VWA8: variants seen among roughly 807,000 people sequenced by gnomAD.
VWA8 encodes the protein von Willebrand factor A domain-containing protein 8.
Under a neutral mutation model 241.5 loss-of-function variants are expected in VWA8, and 221 were observed. The observed-to-expected ratio is 0.91, with a 90% CI of 0.82 to 1.02. VWA8 has a LOEUF of 1.02. VWA8 is among the 50% of genes least tolerant of loss of function. The pLI is 0.00. For synonymous variants in VWA8, 852 were observed against 827.1 expected, an observed-to-expected ratio of 1.03 and a Z score of -0.52; for missense variants, 2,322 against 2,328.7, an observed-to-expected ratio of 1.00 and a Z score of 0.06.
At chr13:41,853,885 A>G (rs1872625401) in intron 12 of VWA8, among the ~76,000 whole-genome samples, 1 of 152,194 alleles carries the variant, frequency 6.6e-6, no homozygotes, top group African/African-American at 2.4e-5. Flanking sequence ...TGAAGGAAAC[A>G]GAGTTGAAAA....
chr13:41,858,830 A>G (rs1046943351), intron 12 of VWA8, among the ~76,000 whole-genome samples: 7 of 151,406 alleles, frequency 4.6e-5, no homozygotes, highest in African/African-American at 1.7e-4. Flanking sequence ...TTCTTTGTGG[A>G]AAAAAAAATA....
chr13:41,883,671 T>C (rs2225439), intron 8 of VWA8, among the ~76,000 whole-genome samples, 180 bp from the exon 9 acceptor site: 123,654 of 152,084 alleles, frequency 0.81, 51,123 homozygotes, highest in East Asian at 1. Flanking sequence ...TTGCCCTTTC[T>C]CTGGGTAAGC....
At chr13:41,659,398 A>C (rs2044933315) in intron 37 of VWA8, among the ~76,000 whole-genome samples, 1 of 152,260 alleles carries the variant, frequency 6.6e-6, no homozygotes, top group African/African-American at 2.4e-5. Context: ...TATAATAATT[A>C]AATGAATTAA....
chr13:41,953,180 A>G (rs994942924), intron 1 of VWA8, among the ~76,000 whole-genome samples: 2 of 152,244 alleles, frequency 1.3e-5, no homozygotes, highest in Non-Finnish European at 2.9e-5. Context: ...AGGATACAGG[A>G]TAAGGATAAT....
Position 41,754,327 on chromosome 13 carries a change from G to A in VWA8, c.2426+6801C>T, listed in dbSNP as rs1270893748. ...TTCCCTGCACAAGCTCTCTTCTCTT[G>A]TCTGCCACCATGTGAGACATGCTGT... On this transcript the variant is annotated intron_variant, in intron 21 of 44. Coordinates refer to ENST00000379310, the MANE Select transcript of VWA8 (RefSeq NM_015058.2). Among the ~76,000 whole-genome samples, 4 of 152,172 alleles carry A rather than the reference G, an allele frequency of 2.6e-5. No homozygotes were observed. In the East Asian group the frequency reaches 7.7e-4, roughly 29 times the overall value.
intron 20 of VWA8, among the ~76,000 whole-genome samples, chr13:41,775,567 A>G (rs1413362235): frequency 1.3e-5 from 2 of 152,156 alleles, no homozygotes. Context: ...CCAGTCCTAG[A>G]CAGGCTTGAA....
At chr13:41,826,712 G>A (rs962802180) in intron 14 of VWA8, among the ~76,000 whole-genome samples, 1 of 151,748 alleles carries the variant, frequency 6.6e-6, no homozygotes, top group Non-Finnish European at 1.5e-5. Context: ...AAAAAAAAAT[G>A]GGAAAAACAA....
intron 2 of VWA8, among the ~76,000 whole-genome samples, chr13:41,913,832 A>C (rs955189921): frequency 1.3e-5 from 2 of 152,224 alleles, no homozygotes; most frequent in South Asian, 2.1e-4. Context: ...GTTTTTACAA[A>C]TCCTCTAAGA....
At chr13:41,670,376 T>C (rs2045013759) in intron 37 of VWA8, among the ~76,000 whole-genome samples, 1 of 151,578 alleles carries the variant, frequency 6.6e-6, no homozygotes, top group Non-Finnish European at 1.5e-5. Flanking sequence ...TCAGGTTTCT[T>C]TTCACTTTGG....
chr13:41,659,050 T>C (rs2044930670), intron 37 of VWA8, among the ~76,000 whole-genome samples: 1 of 152,210 alleles, frequency 6.6e-6, no homozygotes, highest in Non-Finnish European at 1.5e-5. Context: ...AGGAAAACTT[T>C]TATATTATTT....
chr13:41,587,726 G>A, intron 41 of VWA8, 56 bp from the exon 42 acceptor site: 3 of 1,599,114 alleles, frequency 1.9e-6, no homozygotes, highest in East Asian at 2.2e-5. Context: ...TCCCCTGGTG[G>A]CTGTCTTGGG....
chr13:41,890,733 G>A (rs1874795421), intron 5 of VWA8, among the ~76,000 whole-genome samples: 1 of 152,216 alleles, frequency 6.6e-6, no homozygotes. Flanking sequence ...AAAGGGCACT[G>A]TATTGCATTG....
At chr13:41,714,160 A>G (rs1041717280) in intron 26 of VWA8, among the ~76,000 whole-genome samples, 5 of 152,034 alleles carry the variant, frequency 3.3e-5, no homozygotes, top group African/African-American at 1.2e-4. Context: ...TTTAGTAAAT[A>G]TCATCATAAA....
chr13:41,572,434 T>C (rs1220582877), intron 43 of VWA8, among the ~76,000 whole-genome samples: 1 of 152,218 alleles, frequency 6.6e-6, no homozygotes, highest in Non-Finnish European at 1.5e-5. Flanking sequence ...GGAGACTCCA[T>C]TTTGTTCTGT....
intron 37 of VWA8, among the ~76,000 whole-genome samples, chr13:41,664,716 C>A (rs1196627439): frequency 6.6e-6 from 1 of 152,048 alleles, no homozygotes; most frequent in Admixed American, 6.6e-5. Context: ...TTCAGAACTA[C>A]ACAGTATCTT....
chr13:41,611,933 T>C (rs750075688), intron 38 of VWA8, among the ~76,000 whole-genome samples: 1 of 152,188 alleles, frequency 6.6e-6, no homozygotes, highest in Non-Finnish European at 1.5e-5. Context: ...AAATACTACC[T>C]ATATATCAAG....
chr13:41,629,793 T>C (rs2044715039), intron 37 of VWA8, among the ~76,000 whole-genome samples: 1 of 152,208 alleles, frequency 6.6e-6, no homozygotes, highest in Non-Finnish European at 1.5e-5. Context: ...GTAGCTTCTA[T>C]GTGTTTCAAC....
At chr13:41,581,010 ATTTT>A (rs1274814705) in intron 42 of VWA8, among the ~76,000 whole-genome samples, 1 of 127,320 alleles carries the variant, frequency 7.9e-6, no homozygotes, top group African/African-American at 3.8e-5. Flanking sequence ...ATTTTATTTT[ATTTT>A]TTTTTGAGAC....
chr13:41,568,547 CAG>C (rs1395571180), intron 44 of VWA8, among the ~76,000 whole-genome samples: 3 of 152,312 alleles, frequency 2.0e-5, no homozygotes, highest in African/African-American at 7.2e-5. Context: ...GTGAGAAAGT[CAG>C]TGAATTTGAA....
Sources: gnomAD v4.1 joint callset for allele counts (sites outside exome capture counted in the v4.1 genomes callset) on GRCh38, gnomAD v4.1.1 for gene constraint, MANE v1.5 for transcripts, NCBI Gene and HGNC (gene_info 2026-07-23, HGNC 2026-07-21) for gene names.